TADA3: variants seen among roughly 807,000 people sequenced by gnomAD.
The protein encoded by TADA3 is transcriptional adaptor 3, also known as transcriptional adapter 3.
Under a neutral mutation model 43.2 loss-of-function variants are expected in TADA3, and 25 were observed. The observed-to-expected ratio is 0.58, with a 90% CI of 0.42 to 0.81. The LOEUF is 0.81. Ranked by LOEUF, TADA3 falls within the 30% of genes least tolerant of loss-of-function variation. The probability of loss-of-function intolerance (pLI) is 0.00; values close to 1 mark genes in which losing one functional copy is unlikely to be tolerated. For missense variants in TADA3, 441 were observed against 567.8 expected, an observed-to-expected ratio of 0.78 and a Z score of 2.27; for synonymous variants, 235 against 225.5, an observed-to-expected ratio of 1.04 and a Z score of -0.38.
At chr3:9,792,910 G>A, upstream of TADA3, 2 of 1,398,062 alleles carry the variant, frequency 1.4e-6, no homozygotes, top group Admixed American at 3.3e-5. Context: ...ATAGTGACTC[G>A]AGTGCAAGAA....
intron 2 of TADA3, 146 bp from the exon 3 acceptor site, chr3:9,790,109 C>A: frequency 9.3e-7 from 1 of 1,070,530 alleles, no homozygotes; most frequent in Non-Finnish European, 1.3e-6. Context: ...TCTTACTCAT[C>A]CTTCAAAATT....
In TADA3 at chr3:9,781,833, CTTTTTTTT is replaced by C. The variant is rs35246642; in HGVS notation, c.1107-1292_1107-1285del. 2.7e-3 allele frequency among the ~76,000 whole-genome samples: 238 copies of C among 86,908 alleles called. 2 individuals are homozygous for C. In the Admixed American group the frequency reaches 0.028, roughly 10 times the overall value. The allele number at this position is 86,908 out of a possible 152,430, so 57.0% of individuals were successfully genotyped here. ...GCCATTTCTTCATTGCCCATTACTT[CTTTTTTTT>C]TTTTTTTTTTTTTTTTTGAGACAGG... On this transcript the variant is annotated intron_variant, in intron 8 of 8. Coordinates refer to ENST00000301964, the MANE Select transcript of TADA3 (RefSeq NM_006354.5).
At position 9,780,033 on chromosome 3, in the gene TADA3, A is replaced by G; in HGVS notation, c.*324T>C. The G allele has an allele frequency of 4.1e-6, 1 of 246,594 alleles. No individual in the cohort carries two copies. The highest frequency in any genetic ancestry group is 7.7e-6 in the Non-Finnish European group (1 of 129,550). 15.3% of individuals were successfully genotyped at this position (246,594 alleles called of 1,614,324 possible). A position where few individuals can be genotyped will look rare whatever the true frequency, so the allele number is the denominator to read the frequency against. On this transcript the variant is annotated 3_prime_UTR_variant, in exon 9 of 9. Coordinates refer to ENST00000301964, the MANE Select transcript of TADA3 (RefSeq NM_006354.5). ...GCACTTTACAAAACCACAAGGGAGA[A>G]GTCCTTGAAGGGGAGACAGGGGTAG...
Position 9,792,472 on chromosome 3 carries a change from C to G in TADA3, c.-284G>C, listed in dbSNP as rs1439767614. ...GTCGATGTGAGCAACCGCCCCGGAA[C>G]TGGCTATGGGCGGGCCCCTTGCAGT... On this transcript the variant is annotated 5_prime_UTR_variant, in exon 1 of 9. Coordinates refer to ENST00000301964, the MANE Select transcript of TADA3 (RefSeq NM_006354.5). 6 of 1,192,138 alleles carry G rather than the reference C, an allele frequency of 5.0e-6. No homozygotes were observed. The highest frequency in any genetic ancestry group is 4.7e-5 in the African/African-American group (3 of 63,338). 73.8% of individuals were successfully genotyped at this position (1,192,138 alleles called of 1,614,324 possible).
At chr3:9,787,843 G>A in intron 4 of TADA3, 2 of 621,542 alleles carry the variant, frequency 3.2e-6, no homozygotes, top group Non-Finnish European at 5.2e-6. Context: ...GTGCTTTGGT[G>A]GAGGTAACAT....
chr3:9,783,828 C>T, intron 8 of TADA3, 200 bp downstream of exon 8: 2 of 944,678 alleles, frequency 2.1e-6, no homozygotes, highest in South Asian at 4.7e-5. Context: ...GTCACAGATG[C>T]CTGAGCCCCA....
rs2078761077 is a variant in TADA3 at position 9,792,419 on chromosome 3, G to C, written c.-231C>G. Reference sequence around the variant, plus strand: ...TCGCTGCGGCCTCCTACGGCCCCAGGGGCCGCGGGAGGGGGCGGGGAGTTC... The same window carrying C: ...TCGCTGCGGCCTCCTACGGCCCCAGCGGCCGCGGGAGGGGGCGGGGAGTTC... On this transcript the variant is annotated 5_prime_UTR_variant, in exon 1 of 9. Transcript: ENST00000301964. The C allele has an allele frequency of 9.6e-7, 1 of 1,037,958 alleles. No individual in the cohort carries two copies. Among genetic ancestry groups the C allele is most frequent in the Non-Finnish European group, 1.2e-6 (1 of 849,378 alleles). The allele number at this position is 1,037,958 out of a possible 1,614,324, so 64.3% of individuals were successfully genotyped here.
At position 9,787,630 on chromosome 3, in the gene TADA3, G is replaced by T. The variant is rs1384585448; in HGVS notation, c.565-290C>A. 3 of 1,293,898 alleles carry T rather than the reference G, an allele frequency of 2.3e-6. No homozygotes were observed. The African/African-American group carries it at 4.4e-5, about 19-fold the overall frequency. 80.2% of individuals were successfully genotyped at this position (1,293,898 alleles called of 1,614,324 possible). On this transcript the variant is annotated intron_variant, in intron 4 of 8. Coordinates refer to ENST00000301964, the MANE Select transcript of TADA3 (RefSeq NM_006354.5). ...CAGATTGTCTCAGGTCACAGCAATT[G>T]CCTCTCGAGAGAATTAGGAGCCTTC...
chr3:9,787,758 TGAAAGA>T, intron 4 of TADA3: 1 of 1,250,136 alleles, frequency 8.0e-7, no homozygotes. Flanking sequence ...ATAAGTGAAG[TGAAAGA>T]GAGAGATCAA....
intron 7 of TADA3, 29 bp from the exon 8 acceptor site, chr3:9,784,242 CAA>C (rs771078716): frequency 1.1e-5 from 18 of 1,587,326 alleles, no homozygotes; most frequent in South Asian, 1.0e-4. Flanking sequence ...CCGTCAGACT[CAA>C]GAGCCAGCTT....
intron 8 of TADA3, chr3:9,781,446 A>C (rs1203846687): frequency 2.3e-6 from 1 of 443,620 alleles, no homozygotes; most frequent in African/African-American, 2.0e-5. Flanking sequence ...AGGATCCCAC[A>C]GTTAGTGAGG....
At chr3:9,792,904 T>A (rs1298216924), upstream of TADA3, 2 of 1,397,042 alleles carry the variant, frequency 1.4e-6, no homozygotes, top group Non-Finnish European at 1.9e-6. Flanking sequence ...GCTTAAATAG[T>A]GACTCGAGTG....
upstream of TADA3, chr3:9,792,588 T>C (rs970893627): frequency 3.4e-5 from 42 of 1,227,024 alleles, no homozygotes; most frequent in African/African-American, 5.4e-4. Flanking sequence ...CCGCTAGAGG[T>C]GGGGTGCGGG....
At chr3:9,790,023 C>A in intron 2 of TADA3, 60 bp from the exon 3 acceptor site, 2 of 1,514,716 alleles carry the variant, frequency 1.3e-6, no homozygotes. Flanking sequence ...TATCTCTTTC[C>A]TCTAGTGAAT....
At chr3:9,792,550 G>T (rs892552212), upstream of TADA3, 17 of 1,227,286 alleles carry the variant, frequency 1.4e-5, no homozygotes, top group East Asian at 6.4e-5. Flanking sequence ...TTTGCCGGGG[G>T]TGGGAAGAAG....
In TADA3 at chr3:9,780,434, G is replaced by A. The variant is rs755530904; in HGVS notation, c.1222C>T (p.Pro408Ser). 1 of 1,611,272 alleles carries A rather than the reference G, an allele frequency of 6.2e-7. No individual in the cohort carries two copies. The highest frequency in any genetic ancestry group is 8.5e-7 in the Non-Finnish European group (1 of 1,179,272). The part of the protein sequence containing the change: ...IMAARQKKRT[P>S]TKKEKDQAWK... ...GCCTGGTCCTTTTCTTTCTTGGTGGGAGTCCGCTTCTTCTGCCGGGCAGCC... is the reference window on the plus strand; with the variant it reads ...GCCTGGTCCTTTTCTTTCTTGGTGGAAGTCCGCTTCTTCTGCCGGGCAGCC... Residue 408 changes from proline to serine, a missense_variant, in exon 9 of 9, where the codon CCC (proline) becomes TCC (serine). By Grantham distance (74) the Pro-to-Ser change is moderately conservative. Transcript: ENST00000301964.
chr3:9,783,804 AAATC>A lies in TADA3; in HGVS notation c.1106+220_1106+223del, dbSNP rs1427338510. ...AAAAAAAACAAAACAAAAACAAATC[AAATC>A]AATCGGTCAGTCACAGATGCCTGAG... On this transcript the variant is annotated intron_variant, in intron 8 of 8. Transcript: ENST00000301964. 3 of 755,590 alleles carry A rather than the reference AAATC, an allele frequency of 4.0e-6. No homozygotes were observed. The Admixed American group carries it at 1.1e-4, about 28-fold the overall frequency. 46.8% of individuals were successfully genotyped at this position (755,590 alleles called of 1,614,324 possible).
intron 4 of TADA3, among the ~76,000 whole-genome samples, chr3:9,789,120 G>T (rs942590282): frequency 4.9e-4 from 75 of 152,198 alleles, no homozygotes; most frequent in Non-Finnish European, 1.3e-4. Context: ...GCAGGCATAA[G>T]CCACTGCTCC....
Position 9,791,430 on chromosome 3 carries a change from C to T in TADA3, c.37G>A (p.Asp13Asn), listed in dbSNP as rs1411149017. The T allele has an allele frequency of 6.2e-7, 1 of 1,613,638 alleles. No homozygotes were observed. The change falls in exon 2 of 9, where the codon GAC becomes AAC. Residue 13 changes from aspartate to asparagine, a missense_variant. Asp to Asn is a conservative substitution (Grantham distance 23, BLOSUM62 1). Coordinates refer to ENST00000301964, the MANE Select transcript of TADA3 (RefSeq NM_006354.5). ...TTCAGGTGATCCACAGACTTGAAGT[C>T]GTGGAACTGCAAGGGGCAGTCTTTC... ...ELKDCPLQFHDFKSVDHLKVC... is the reference protein window; with the variant it reads ...ELKDCPLQFHNFKSVDHLKVC...
Sources: allele counts gnomAD v4.1 joint callset (sites outside exome capture counted in the v4.1 genomes callset), GRCh38; gene constraint gnomAD v4.1.1; transcripts MANE v1.5; gene names NCBI Gene and HGNC (gene_info 2026-07-23, HGNC 2026-07-21).